Variants in SRRT observed in about 807,000 individuals in gnomAD.
SRRT encodes serrate RNA effector molecule homolog.
A neutral mutation model predicts 103.2 loss-of-function variants in SRRT; 32 were observed. The observed-to-expected ratio is 0.31, with a 90% CI of 0.23 to 0.42. SRRT has a LOEUF of 0.42. Among genes scored for constraint, SRRT ranks in the 10% least tolerant of loss-of-function variants. The pLI, the probability that SRRT is intolerant of heterozygous loss-of-function variation, is 1.00. For synonymous variants in SRRT, 525 were observed against 449.0 expected, an observed-to-expected ratio of 1.17 and a Z score of -2.14; for missense variants, 986 against 1,207.5, an observed-to-expected ratio of 0.82 and a Z score of 2.72.
At chr7:100,879,679 CTCAG>C (rs1816097806) in intron 2 of SRRT, among the ~76,000 whole-genome samples, 1 of 151,792 alleles carries the variant, frequency 6.6e-6, no homozygotes, top group African/African-American at 2.4e-5. Flanking sequence ...CTTTGGTGTC[CTCAG>C]TCATTTTTAA....
At chr7:100,884,306 T>C in intron 6 of SRRT, 62 bp from the exon 7 acceptor site, 1 of 1,609,156 alleles carries the variant, frequency 6.2e-7, no homozygotes, top group Non-Finnish European at 8.5e-7. Context: ...GGGGATCAGG[T>C]AGAAGCCGGT....
intron 13 of SRRT, 170 bp downstream of exon 13, chr7:100,886,605 G>A: frequency 1.1e-6 from 1 of 952,168 alleles, no homozygotes; most frequent in South Asian, 1.6e-5. Context: ...CAGAACTGGG[G>A]GGATGCTAGT....
rs759212081 is a variant in SRRT, at chr7:100,884,216, C to A, written c.734C>A (p.Ala245Asp). The change falls in exon 6 of 20, where the codon GCC becomes GAC. Residue 245 changes from alanine to aspartate, a missense_variant. Around this residue, in one of 6 missense-constraint regions of SRRT, gnomAD observed 274 missense variants for 358.5 expected, o/e 0.76. Coordinates refer to ENST00000611405, the MANE Select transcript of SRRT (RefSeq NM_015908.6). Reference sequence around the variant, plus strand: ...CTCCTGGACATAGACAAAGCTGATGCCATTGTCAAGATGCTGGATGCAGGT... The same window carrying A: ...CTCCTGGACATAGACAAAGCTGATGACATTGTCAAGATGCTGGATGCAGGT... The part of the protein sequence containing the change: ...NLLLDIDKAD[A>D]IVKMLDAAVI... 10 of 1,614,102 alleles carry A rather than the reference C, an allele frequency of 6.2e-6. No individual in the cohort carries two copies. Among genetic ancestry groups the A allele is most frequent in the Admixed American group, 5.0e-5 (3 of 60,010 alleles).
intron 5 of SRRT, among the ~76,000 whole-genome samples, chr7:100,883,597 G>A (rs879481442): frequency 6.6e-6 from 1 of 152,134 alleles, no homozygotes; most frequent in Non-Finnish European, 1.5e-5. Flanking sequence ...TTTGCTATCT[G>A]GCCCTCTGTC....
chr7:100,887,266 ATCCT>A lies in SRRT; in HGVS notation c.1976-47_1976-44del, dbSNP rs1197742398. 7.5e-6 allele frequency: 12 copies of A among 1,610,448 alleles called. No homozygotes were observed. Among genetic ancestry groups the A allele is most frequent in the Non-Finnish European group, 1.7e-6 (2 of 1,177,356 alleles). ...CTTGGTCCTCCAGCCCCTTGCCACC[ATCCT>A]TCCTTCTGGCTCCCTTGCCAACCTT... is the stretch of plus-strand genomic sequence containing the variant. On this transcript the variant is annotated intron_variant, in intron 15 of 19. Coordinates refer to ENST00000611405, the MANE Select transcript of SRRT (RefSeq NM_015908.6). This position sits in a 1 kb window ranked among gnomAD's most constrained non-coding sequence, Gnocchi z 4.1.
At chr7:100,877,126 T>C (rs1793307389) in intron 2 of SRRT, among the ~76,000 whole-genome samples, 1 of 143,138 alleles carries the variant, frequency 7.0e-6, no homozygotes, top group East Asian at 2.0e-4. Flanking sequence ...AGCAAAGAGT[T>C]AAAAAAAAAA....
At position 100,884,177 on chromosome 7, in the gene SRRT, G is replaced by T. The variant is rs767395589; in HGVS notation, c.695G>T (p.Trp232Leu). 1.2e-6 allele frequency: 2 copies of T among 1,614,118 alleles called. No homozygotes were observed. Among genetic ancestry groups the T allele is most frequent in the Non-Finnish European group, 1.7e-6 (2 of 1,180,018 alleles). Reference sequence around the variant, plus strand: ...TTCCTGTCCCTCATGGAGACTGGCTGGTTTGATAACCTTCTCCTGGACATA... The same window carrying T: ...TTCCTGTCCCTCATGGAGACTGGCTTGTTTGATAACCTTCTCCTGGACATA... ...RVFLSLMETG[W>L]FDNLLLDIDK... The change falls in exon 6 of 20, where the codon TGG (tryptophan) becomes TTG (leucine). Residue 232 changes from tryptophan (W) to leucine (L), a missense_variant. Trp to Leu is a moderately conservative substitution (Grantham distance 61, BLOSUM62 -2). Around this residue, in one of 6 missense-constraint regions of SRRT, gnomAD observed 274 missense variants for 358.5 expected, o/e 0.76. Transcript: ENST00000611405.
chr7:100,885,253 A>G lies in SRRT; in HGVS notation c.1200A>G (p.Glu400=), dbSNP rs1369702708. The G allele has an allele frequency of 1.9e-6, 3 of 1,613,954 alleles. No homozygotes were observed. Among genetic ancestry groups the G allele is most frequent in the Non-Finnish European group, 2.5e-6 (3 of 1,179,978 alleles). ...LKEKEKPKEE[E]WEKPKDAAGL... The stretch of plus-strand genomic sequence containing the variant: ...AGAAGGAGAAGCCCAAGGAAGAAGA[A>G]TGGGAGAAGCCCAAGGACGCCGCGG... The change falls in exon 10 of 20, where the codon GAA becomes GAG. Residue 400 remains glutamate (E), a synonymous_variant. Transcript: ENST00000611405. The surrounding 1 kb of genome is among the most constrained non-coding windows in gnomAD (Gnocchi z 4.8).
In SRRT at chr7:100,887,553, A is replaced by G; in HGVS notation, c.2169+40A>G. ...AGAATGGCCGTGCTACGGTGGTGGG[A>G]GGTGGGGTTGAGACAGGAAGCCCCC... On this transcript the variant is annotated intron_variant, in intron 16 of 19. Transcript: ENST00000611405. This position sits in a 1 kb window ranked among gnomAD's most constrained non-coding sequence, Gnocchi z 4.1. 6.2e-7 allele frequency: 1 copy of G among 1,603,960 alleles called. No individual in the cohort carries two copies. Among genetic ancestry groups the G allele is most frequent in the Non-Finnish European group, 8.5e-7 (1 of 1,173,702 alleles).
intron 2 of SRRT, 70 bp downstream of exon 2, chr7:100,875,782 C>T: frequency 3.8e-6 from 6 of 1,578,490 alleles, no homozygotes; most frequent in East Asian, 2.3e-5. Context: ...GCTTTTCTTT[C>T]TCCCCCTTGT....
chr7:100,875,796 T>G (rs1815628776), intron 2 of SRRT, 84 bp downstream of exon 2: 2 of 1,551,040 alleles, frequency 1.3e-6, no homozygotes, highest in African/African-American at 2.7e-5. Flanking sequence ...CCCTTGTAAT[T>G]TTTATGAGGG....
At position 100,888,307 on chromosome 7, in the gene SRRT, G is replaced by T. The variant is rs757396137; in HGVS notation, c.2479G>T (p.Ala827Ser). ...VPTGGPPYPHAPYGAGRGNYD... is the reference protein window; with the variant it reads ...VPTGGPPYPHSPYGAGRGNYD... The stretch of plus-strand genomic sequence containing the variant: ...CACAGGAGGCCCTCCATACCCCCAT[G>T]CCCCGTATGGTGCTGGTCGAGGGAA... Residue 827 changes from alanine to serine, a missense_variant, in exon 19 of 20, where the codon GCC becomes TCC. By Grantham distance (99) the Ala-to-Ser change is moderately conservative. Around this residue, in one of 6 missense-constraint regions of SRRT, gnomAD observed 178 missense variants for 189.6 expected, o/e 0.94. Transcript: ENST00000611405. 2.5e-5 allele frequency: 41 copies of T among 1,613,906 alleles called. No homozygotes were observed. Among genetic ancestry groups the T allele is most frequent in the Non-Finnish European group, 3.2e-5 (38 of 1,179,922 alleles).
intron 2 of SRRT, among the ~76,000 whole-genome samples, chr7:100,879,665 A>G (rs1816095728): frequency 6.6e-6 from 1 of 152,152 alleles, no homozygotes; most frequent in Non-Finnish European, 1.5e-5. Context: ...CATAAGCAGA[A>G]ACTCTTTGGT....
Position 100,887,592 on chromosome 7 carries a change from G to T in SRRT, c.2169+79G>T. On this transcript the variant is annotated intron_variant, in intron 16 of 19. Transcript: ENST00000611405. The surrounding 1 kb of genome is among the most constrained non-coding windows in gnomAD (Gnocchi z 4.1). Reference sequence around the variant, plus strand: ...CAGGAAGCCCCCTGGGCAGGGGTGGGGGAACTGCTTACTGCACTGGCAGGC... The same window carrying T: ...CAGGAAGCCCCCTGGGCAGGGGTGGTGGAACTGCTTACTGCACTGGCAGGC... 1.3e-6 allele frequency: 2 copies of T among 1,584,366 alleles called. No homozygotes were observed. Among genetic ancestry groups the T allele is most frequent in the East Asian group, 2.2e-5 (1 of 44,558 alleles).
In SRRT at chr7:100,885,773, C is replaced by G. The variant is rs764378109; in HGVS notation, c.1379+11C>G. On this transcript the variant is annotated intron_variant, in intron 11 of 19. Coordinates refer to ENST00000611405, the MANE Select transcript of SRRT (RefSeq NM_015908.6). This position sits in a 1 kb window ranked among gnomAD's most constrained non-coding sequence, Gnocchi z 4.8. Reference sequence around the variant, plus strand: ...CCAGCCAGAGAGGAGGTGAGTAACTCGGTGCGTTGGAGGGAAAAGTGCAGG... The same window carrying G: ...CCAGCCAGAGAGGAGGTGAGTAACTGGGTGCGTTGGAGGGAAAAGTGCAGG... 1.9e-6 allele frequency: 3 copies of G among 1,614,068 alleles called. No homozygotes were observed. Among genetic ancestry groups the G allele is most frequent in the Non-Finnish European group, 2.5e-6 (3 of 1,179,940 alleles).
At position 100,882,587 on chromosome 7, in the gene SRRT, T is replaced by G. The variant is rs1280700033; in HGVS notation, c.587+346T>G. 4.8e-6 allele frequency: 1 copy of G among 210,182 alleles called. No homozygotes were observed. Among genetic ancestry groups the G allele is most frequent in the African/African-American group, 2.3e-5 (1 of 43,402 alleles). The allele number at this position is 210,182 out of a possible 1,614,324, so 13.0% of individuals were successfully genotyped here. On this transcript the variant is annotated intron_variant, in intron 5 of 19. Transcript: ENST00000611405. The surrounding 1 kb of genome is among the most constrained non-coding windows in gnomAD (Gnocchi z 4.2). ...ACCAGGACCCTGTGTGGCTGTGGCG[T>G]CCTCCTAAAGCGACGAGTGAATCCA...
intron 5 of SRRT, 104 bp from the exon 6 acceptor site, chr7:100,883,966 T>A: frequency 1.5e-6 from 2 of 1,301,408 alleles, no homozygotes; most frequent in Non-Finnish European, 2.1e-6. Context: ...TTTGTGGTTG[T>A]GAGAGGAAGG....
intron 1 of SRRT, 104 bp from the exon 2 acceptor site, chr7:100,875,469 G>T: frequency 6.4e-7 from 1 of 1,560,426 alleles, no homozygotes; most frequent in Non-Finnish European, 8.7e-7. Context: ...GGCCGCGGAG[G>T]GCTGGCCTTG....
chr7:100,884,154 C>T lies in SRRT; in HGVS notation c.672C>T (p.Phe224=). ...RGALQNRLRV[F]LSLMETGWFD... The stretch of plus-strand genomic sequence containing the variant: ...CCCTGCAAAACCGACTGAGGGTCTT[C>T]CTGTCCCTCATGGAGACTGGCTGGT... Residue 224 remains phenylalanine (F), a synonymous_variant, in exon 6 of 20, where the codon TTC becomes TTT. Transcript: ENST00000611405. The T allele has an allele frequency of 6.2e-7, 1 of 1,613,890 alleles. No individual in the cohort carries two copies. Among genetic ancestry groups the T allele is most frequent in the Non-Finnish European group, 8.5e-7 (1 of 1,179,814 alleles).
Sources: allele counts gnomAD v4.1 joint callset (sites outside exome capture counted in the v4.1 genomes callset), GRCh38; gene constraint gnomAD v4.1.1; regional missense constraint gnomAD v4.1.1; non-coding constraint Gnocchi (gnomAD v3.1); transcripts MANE v1.5; gene names NCBI Gene and HGNC (gene_info 2026-07-23, HGNC 2026-07-21).